Variants in CPAP observed in about 807,000 individuals in gnomAD.
CPAP encodes centrosomal P4.1-associated protein.
chr13:24,915,731 G>A, the CPAP span, among the ~76,000 whole-genome samples: 58 of 151,994 alleles, frequency 3.8e-4, no homozygotes, highest in Non-Finnish European at 1.6e-4. Context: ...CCCAGGAGGC[G>A]GGGGTTGCAG....
the CPAP span, among the ~76,000 whole-genome samples, chr13:24,919,030 T>C: frequency 6.9e-6 from 1 of 145,288 alleles, no homozygotes; most frequent in Non-Finnish European, 1.5e-5. Flanking sequence ...AGAAGGAGGG[T>C]GAGGGGAGAG....
chr13:24,889,285 T>C, the CPAP span: 1 of 1,411,950 alleles, frequency 7.1e-7, no homozygotes, highest in Non-Finnish European at 1.0e-6. Context: ...CATTCTGAAA[T>C]GTTTTATAAA....
chr13:24,915,288 A>C, the CPAP span, among the ~76,000 whole-genome samples: 2 of 152,152 alleles, frequency 1.3e-5, no homozygotes, highest in African/African-American at 4.8e-5. Context: ...GAGGATTGAA[A>C]CAGGTTTTGG....
At chr13:24,932,695 C>T in the CPAP span, among the ~76,000 whole-genome samples, 1 of 152,084 alleles carries the variant, frequency 6.6e-6, no homozygotes, top group Non-Finnish European at 1.5e-5. Context: ...GAAATAAATG[C>T]TTCTATGTTC....
the CPAP span, chr13:24,889,068 C>T: frequency 2.1e-6 from 1 of 480,642 alleles, no homozygotes; most frequent in Non-Finnish European, 3.7e-6. Flanking sequence ...ATTTGGGATG[C>T]TCGACCAGTA....
chr13:24,891,847 G>A, the CPAP span, among the ~76,000 whole-genome samples: 2 of 152,070 alleles, frequency 1.3e-5, no homozygotes, highest in African/African-American at 2.4e-5. Flanking sequence ...CTGGCCCACC[G>A]CTCCTCGCCC....
At chr13:24,883,323 G>A in the CPAP span, 4 of 1,613,524 alleles carry the variant, frequency 2.5e-6, no homozygotes, top group African/African-American at 5.3e-5. Context: ...TGGGCAGTAT[G>A]TAGTTCTCTT....
At chr13:24,917,810 T>C in the CPAP span, among the ~76,000 whole-genome samples, 1 of 152,232 alleles carries the variant, frequency 6.6e-6, no homozygotes, top group Non-Finnish European at 1.5e-5. Flanking sequence ...CATTGGCAAC[T>C]GGCAAGTGTT....
the CPAP span, chr13:24,912,645 T>C: frequency 3.0e-5 from 48 of 1,613,598 alleles, no homozygotes; most frequent in Non-Finnish European, 3.8e-5. Flanking sequence ...TCGCAAGATC[T>C]GGGATGAAGT....
At chr13:24,909,796 G>T in the CPAP span, 6 of 1,611,354 alleles carry the variant, frequency 3.7e-6, no homozygotes, top group Middle Eastern at 6.1e-4. Context: ...TCACCTGTAG[G>T]ATGGTTACGG....
At chr13:24,915,541 C>T in the CPAP span, among the ~76,000 whole-genome samples, 1 of 152,132 alleles carries the variant, frequency 6.6e-6, no homozygotes, top group African/African-American at 2.4e-5. Flanking sequence ...CAGTGGCTCA[C>T]GCCTGTAATC....
At chr13:24,904,513 G>C in the CPAP span, among the ~76,000 whole-genome samples, 1 of 152,106 alleles carries the variant, frequency 6.6e-6, no homozygotes, top group Non-Finnish European at 1.5e-5. Context: ...TGTCCTTCAA[G>C]CATTTTTATC....
At chr13:24,889,973 A>G in the CPAP span, among the ~76,000 whole-genome samples, 2 of 152,038 alleles carry the variant, frequency 1.3e-5, no homozygotes, top group Admixed American at 1.3e-4. Flanking sequence ...CCACACCCCA[A>G]TGGTCAACCC....
the CPAP span, among the ~76,000 whole-genome samples, chr13:24,918,897 T>C: frequency 6.6e-6 from 1 of 152,134 alleles, no homozygotes; most frequent in Non-Finnish European, 1.5e-5. Flanking sequence ...AAACTCATGT[T>C]GTTCGAGAGT....
the CPAP span, chr13:24,933,160 AGT>A: frequency 6.7e-7 from 1 of 1,502,130 alleles, no homozygotes; most frequent in Non-Finnish European, 9.3e-7. Context: ...CATAAACTAC[AGT>A]GTGATAAAAC....
chr13:24,892,887 A>G, the CPAP span: 1 of 1,491,544 alleles, frequency 6.7e-7, no homozygotes, highest in African/African-American at 1.4e-5. Context: ...AAAAAAAACA[A>G]AAAGAAAAAA....
chr13:24,929,252 G>T, the CPAP span, among the ~76,000 whole-genome samples: 1 of 152,094 alleles, frequency 6.6e-6, no homozygotes, highest in African/African-American at 2.4e-5. Flanking sequence ...TGTAGAGATG[G>T]GGTTTTGCCA....
the CPAP span, among the ~76,000 whole-genome samples, chr13:24,896,846 T>A: frequency 6.6e-6 from 1 of 152,192 alleles, no homozygotes; most frequent in Non-Finnish European, 1.5e-5. Context: ...AAAAATGAAA[T>A]GACAAACCCA....
chr13:24,918,589 G>C, the CPAP span, among the ~76,000 whole-genome samples: 1 of 151,946 alleles, frequency 6.6e-6, no homozygotes, highest in Non-Finnish European at 1.5e-5. Context: ...GTGTAAGCTA[G>C]AGAAGAAAAG....
Sources: gnomAD v4.1 joint callset for allele counts (sites outside exome capture counted in the v4.1 genomes callset) on GRCh38, gnomAD v4.1.1 for gene constraint, MANE v1.5 for transcripts, NCBI Gene and HGNC (gene_info 2026-07-23, HGNC 2026-07-21) for gene names.